The following GRM5 variants were observed in gnomAD, a reference collection of about 807,000 sequenced individuals.
GRM5 encodes the protein metabotropic glutamate receptor 5.
Under a neutral mutation model 83.1 loss-of-function variants are expected in GRM5, and 19 were observed. The ratio of observed to expected loss-of-function variants is 0.23; its 90% CI spans 0.16 to 0.34. The LOEUF is 0.34. Among genes scored for constraint, GRM5 ranks in the 10% least tolerant of loss-of-function variants. GRM5 has a pLI of 1.00. For synonymous variants in GRM5, 675 were observed against 633.6 expected (o/e 1.07, Z -0.98); for missense variants, 1,160 against 1,588.3 (o/e 0.73, Z 4.58).
intron 9 of GRM5, among the ~76,000 whole-genome samples, chr11:88,517,463 G>GT (rs1483216714): frequency 6.6e-6 from 1 of 152,112 alleles, no homozygotes; most frequent in Non-Finnish European, 1.5e-5. Context: ...AATAACATTT[G>GT]TGTTGAAGAA....
At chr11:88,717,862 TAAC>T (rs904838848) in intron 3 of GRM5, among the ~76,000 whole-genome samples, 5 of 81,172 alleles carry the variant, frequency 6.2e-5, no homozygotes, top group African/African-American at 1.7e-4. Context: ...TTTTCTATAA[TAAC>T]TATTTATAGT....
intron 2 of GRM5, among the ~76,000 whole-genome samples, chr11:88,988,736 A>G (rs10831544): frequency 6.8e-6 from 1 of 146,978 alleles, no homozygotes; most frequent in Non-Finnish European, 1.5e-5. Context: ...ATTTTCAACC[A>G]AGAATTTCAT....
At chr11:88,537,840 T>C (rs181571618) in intron 8 of GRM5, among the ~76,000 whole-genome samples, 26 of 152,222 alleles carry the variant, frequency 1.7e-4, no homozygotes, top group African/African-American at 6.3e-4. Context: ...GATTAATAGC[T>C]CCAGAAACTA....
intron 3 of GRM5, among the ~76,000 whole-genome samples, chr11:88,808,985 A>C (rs576593500): frequency 3.0e-4 from 46 of 152,190 alleles, no homozygotes; most frequent in African/African-American, 1.0e-3. Flanking sequence ...GAATAGACAG[A>C]ATCTAACAAT....
intron 1 of GRM5, among the ~76,000 whole-genome samples, chr11:89,059,838 T>C (rs1441652022): frequency 6.6e-6 from 1 of 152,148 alleles, no homozygotes; most frequent in Non-Finnish European, 1.5e-5. Context: ...TTGTTACATA[T>C]GTCTATGTGT....
At chr11:88,982,407 A>T (rs1038177891) in intron 2 of GRM5, among the ~76,000 whole-genome samples, 1 of 152,192 alleles carries the variant, frequency 6.6e-6, no homozygotes, top group Admixed American at 6.5e-5. Context: ...CTATGGATCC[A>T]TGAATCATTT....
At chr11:88,786,995 G>A (rs1651579960) in intron 3 of GRM5, among the ~76,000 whole-genome samples, 1 of 152,068 alleles carries the variant, frequency 6.6e-6, no homozygotes, top group Admixed American at 6.6e-5. Context: ...GATGCCCTTT[G>A]AAGATGGCTG....
At chr11:88,811,155 A>C (rs1240474140) in intron 3 of GRM5, among the ~76,000 whole-genome samples, 1 of 152,046 alleles carries the variant, frequency 6.6e-6, no homozygotes, top group Non-Finnish European at 1.5e-5. Context: ...GGGGTGGATC[A>C]CTTAGAAGGA....
At chr11:88,583,558 AT>A (rs2135197164) in intron 7 of GRM5, among the ~76,000 whole-genome samples, 1 of 152,250 alleles carries the variant, frequency 6.6e-6, no homozygotes, top group South Asian at 2.1e-4. Context: ...AAGACAGGCT[AT>A]TTTTGCTCTT....
intron 8 of GRM5, among the ~76,000 whole-genome samples, chr11:88,561,373 G>T (rs1942750670): frequency 6.6e-6 from 1 of 152,118 alleles, no homozygotes; most frequent in African/African-American, 2.4e-5. Context: ...TAATGATTCT[G>T]CCCCCTGACT....
chr11:88,829,239 T>C (rs1165805813), intron 3 of GRM5, among the ~76,000 whole-genome samples: 1 of 152,204 alleles, frequency 6.6e-6, no homozygotes, highest in African/African-American at 2.4e-5. Context: ...GGCAGGCAGA[T>C]CATTTGAGGC....
intron 3 of GRM5, among the ~76,000 whole-genome samples, chr11:88,719,158 A>C (rs1191817653): frequency 6.6e-6 from 1 of 151,662 alleles, no homozygotes; most frequent in Non-Finnish European, 1.5e-5. Context: ...AGATTATTTC[A>C]TCACCCAGAT....
intron 4 of GRM5, among the ~76,000 whole-genome samples, chr11:88,620,670 A>G (rs970655255): frequency 6.6e-6 from 1 of 152,184 alleles, no homozygotes; most frequent in Non-Finnish European, 1.5e-5. Flanking sequence ...CAAATAGTCT[A>G]TGAAAAGGGT....
At chr11:88,680,134 G>A (rs1025076407) in intron 3 of GRM5, among the ~76,000 whole-genome samples, 2 of 152,080 alleles carry the variant, frequency 1.3e-5, no homozygotes, top group African/African-American at 4.8e-5. Context: ...ACAACATGCA[G>A]GTTTGTTACA....
intron 8 of GRM5, among the ~76,000 whole-genome samples, chr11:88,538,098 G>GA (rs749412993): frequency 0.12 from 14,450 of 125,532 alleles, 1,403 homozygotes; most frequent in African/African-American, 0.29. Flanking sequence ...ATAGAAAACA[G>GA]AAAAAAAAAA....
At chr11:88,814,032 T>A (rs1226074757) in intron 3 of GRM5, among the ~76,000 whole-genome samples, 1 of 152,190 alleles carries the variant, frequency 6.6e-6, no homozygotes, top group Non-Finnish European at 1.5e-5. Flanking sequence ...ACTAAATGAT[T>A]CCAAAATTAA....
chr11:88,988,696 G>A (rs1298265706), intron 2 of GRM5, among the ~76,000 whole-genome samples: 14 of 151,488 alleles, frequency 9.2e-5, no homozygotes, highest in Admixed American at 9.2e-4. Flanking sequence ...AGAGAGTGGA[G>A]GCCAATACTC....
intron 3 of GRM5, among the ~76,000 whole-genome samples, chr11:88,837,900 C>A (rs376461489): frequency 6.6e-6 from 1 of 151,760 alleles, no homozygotes; most frequent in East Asian, 2.0e-4. Flanking sequence ...CTGGCTAACA[C>A]GGTGAAACCC....
chr11:88,805,889 T>C (rs1245812786), intron 3 of GRM5, among the ~76,000 whole-genome samples: 1 of 152,188 alleles, frequency 6.6e-6, no homozygotes, highest in African/African-American at 2.4e-5. Flanking sequence ...TTTTTTTCCT[T>C]GACACTGACA....
Sources: gnomAD v4.1 joint callset for allele counts (sites outside exome capture counted in the v4.1 genomes callset) on GRCh38, gnomAD v4.1.1 for gene constraint, MANE v1.5 for transcripts, NCBI Gene and HGNC (gene_info 2026-07-23, HGNC 2026-07-21) for gene names.